LAMA2: variants seen among roughly 807,000 people sequenced by gnomAD.
LAMA2 encodes the protein laminin subunit alpha 2, also known as laminin subunit alpha-2.
A neutral mutation model predicts 364.8 loss-of-function variants in LAMA2; 269 were observed. That is an observed-to-expected ratio of 0.74 (90% CI 0.67 to 0.82). The LOEUF is 0.82. LAMA2 is among the 40% of genes least tolerant of loss of function. LAMA2 has a pLI of 0.00. For missense variants in LAMA2, 3,807 were observed against 3,873.2 expected (o/e 0.98, Z 0.45); for synonymous variants, 1,379 against 1,370.6 (o/e 1.01, Z -0.14).
intron 37 of LAMA2, among the ~76,000 whole-genome samples, chr6:129,398,098 T>A (rs17057251): frequency 7.9e-5 from 12 of 152,122 alleles, no homozygotes; most frequent in African/African-American, 2.9e-4. Context: ...AACACACGTG[T>A]GGAAATATCT....
At chr6:129,134,735 C>T (rs1457956986) in intron 4 of LAMA2, among the ~76,000 whole-genome samples, 1 of 152,162 alleles carries the variant, frequency 6.6e-6, no homozygotes, top group African/African-American at 2.4e-5. Flanking sequence ...AGGTGGAGCT[C>T]AGACACCTCC....
Position 129,492,053 on chromosome 6 carries a change from T to TA in LAMA2, c.8052dup (p.Trp2685MetfsTer6). 1 of 1,614,006 alleles carries TA rather than the reference T, an allele frequency of 6.2e-7. No homozygotes were observed. The highest frequency in any genetic ancestry group is 8.5e-7 in the Non-Finnish European group (1 of 1,179,888). On this transcript the variant is annotated frameshift_variant, in exon 57 of 65. Transcript: ENST00000421865. LOFTEE classifies it high-confidence loss of function. ...AATATTCCTCCTTTTGAAGGCTGCA[T>TA]ATGGAATCTTGTTATTAACTCTGTG...
intron 21 of LAMA2, among the ~76,000 whole-genome samples, chr6:129,299,764 A>G (rs1337581958): frequency 6.6e-6 from 1 of 152,194 alleles, no homozygotes; most frequent in Non-Finnish European, 1.5e-5. Context: ...CACCTTCCAC[A>G]GCTGGTGTGT....
intron 1 of LAMA2, among the ~76,000 whole-genome samples, chr6:129,046,103 T>G (rs1439432345): frequency 6.6e-6 from 1 of 152,216 alleles, no homozygotes; most frequent in African/African-American, 2.4e-5. Flanking sequence ...AATTTTGCTC[T>G]CCTTTAAACA....
intron 12 of LAMA2, among the ~76,000 whole-genome samples, chr6:129,240,391 T>A (rs890749594): frequency 3.3e-5 from 5 of 152,234 alleles, no homozygotes; most frequent in Non-Finnish European, 7.3e-5. Flanking sequence ...CAACGCTTTC[T>A]CATACAGGTT....
Position 129,297,705 on chromosome 6 carries a change from A to G in LAMA2, c.2877A>G (p.Gln959=), listed in dbSNP as rs749913236. ...DKCKAGTFGL[Q]SARGCVPCNC... The stretch of plus-strand genomic sequence containing the variant: ...GCCAGGCTGGGACCTTTGGCCTACA[A>G]TCAGCAAGGGGCTGTGTTCCCTGCA... Residue 959 remains glutamine, a synonymous_variant, in exon 21 of 65, where the codon CAA becomes CAG. Transcript: ENST00000421865. 3.7e-5 allele frequency: 60 copies of G among 1,613,800 alleles called. No individual in the cohort carries two copies. In the South Asian group the frequency reaches 6.0e-4, roughly 16 times the overall value.
intron 22 of LAMA2, among the ~76,000 whole-genome samples, chr6:129,310,178 CG>C (rs1295013903): frequency 6.6e-6 from 1 of 152,084 alleles, no homozygotes; most frequent in African/African-American, 2.4e-5. Context: ...GGATTACAGG[CG>C]TGAGCCACCG....
rs145682802 is a variant in LAMA2 at position 129,258,002 on chromosome 6, T to C, written c.2097-2709T>C. Reference sequence around the variant, plus strand: ...TTTAGTCAGTTACTTTTGTATACATTTATCTGTCTATCTACCCATCCGTCC... The same window carrying C: ...TTTAGTCAGTTACTTTTGTATACATCTATCTGTCTATCTACCCATCCGTCC... On this transcript the variant is annotated intron_variant, in intron 14 of 64. Transcript: ENST00000421865. 3.2e-3 allele frequency among the ~76,000 whole-genome samples: 483 copies of C among 152,126 alleles called. 3 individuals carry two copies. Among genetic ancestry groups the C allele is most frequent in the African/African-American group, 0.011 (460 of 41,494 alleles).
rs1781242445 is a variant in LAMA2, at chr6:128,957,815, C to T, written c.112+74458C>T. On this transcript the variant is annotated intron_variant, in intron 1 of 64. Coordinates refer to ENST00000421865, the MANE Select transcript of LAMA2 (RefSeq NM_000426.4). ...TTAAGTATAGTTTGGAGTATTCTTC[C>T]CAGGCTGTACTACTTCATGCATTTT... Among the ~76,000 whole-genome samples, 6 of 147,736 alleles carry T rather than the reference C, an allele frequency of 4.1e-5. No homozygotes were observed. The South Asian group carries it at 1.1e-3, about 26-fold the overall frequency.
intron 3 of LAMA2, among the ~76,000 whole-genome samples, chr6:129,097,667 A>G (rs138223602): frequency 2.6e-4 from 40 of 152,320 alleles, no homozygotes; most frequent in Non-Finnish European, 4.7e-4. Flanking sequence ...CTAGAACCAC[A>G]ATCTGAACAT....
At chr6:129,410,658 G>T (rs151102396) in intron 40 of LAMA2, among the ~76,000 whole-genome samples, 139 of 152,294 alleles carry the variant, frequency 9.1e-4, no homozygotes, top group African/African-American at 3.1e-3. Context: ...ACAGATAGAT[G>T]AATGGATGGA....
chr6:129,064,363 C>A (rs1430550938), intron 3 of LAMA2, among the ~76,000 whole-genome samples: 15 of 117,508 alleles, frequency 1.3e-4, no homozygotes, highest in African/African-American at 2.8e-4. Flanking sequence ...TTCAAGAAAG[C>A]AAAAAAAAAA....
chr6:129,432,198 C>T (rs1333998869), intron 41 of LAMA2, among the ~76,000 whole-genome samples: 2 of 152,074 alleles, frequency 1.3e-5, no homozygotes, highest in African/African-American at 4.8e-5. Flanking sequence ...GCAGTCTTTT[C>T]CAGGTGAAAT....
chr6:129,472,080 G>C (rs1783839899), intron 51 of LAMA2, among the ~76,000 whole-genome samples: 2 of 151,866 alleles, frequency 1.3e-5, no homozygotes, highest in Admixed American at 1.3e-4. Flanking sequence ...CCTTCTCTAG[G>C]AACATTGCAT....
intron 12 of LAMA2, among the ~76,000 whole-genome samples, chr6:129,200,111 C>CAAAT (rs1782106181): frequency 9.5e-5 from 11 of 115,230 alleles, no homozygotes; most frequent in Non-Finnish European, 1.8e-5. Flanking sequence ...TATGTGTACA[C>CAAAT]GTATATATAT....
At chr6:129,213,242 T>C (rs1355056381) in intron 12 of LAMA2, among the ~76,000 whole-genome samples, 2 of 152,210 alleles carry the variant, frequency 1.3e-5, no homozygotes, top group Non-Finnish European at 2.9e-5. Context: ...TATTTTGTTG[T>C]CTGGATATAA....
rs1376086973 is a variant in LAMA2, at chr6:128,948,490, A to C, written c.112+65133A>C. On this transcript the variant is annotated intron_variant, in intron 1 of 64. Coordinates refer to ENST00000421865, the MANE Select transcript of LAMA2 (RefSeq NM_000426.4). The stretch of plus-strand genomic sequence containing the variant: ...TAAACCACCTCCAGCCACACAAAAA[A>C]CACACACTATGCTTGAGTCATTCCA... 3.3e-5 allele frequency among the ~76,000 whole-genome samples: 5 copies of C among 152,156 alleles called. No homozygotes were observed. In the East Asian group the frequency reaches 9.6e-4, roughly 29 times the overall value.
chr6:129,264,202 G>T (rs1050735794), intron 15 of LAMA2, among the ~76,000 whole-genome samples: 1 of 152,146 alleles, frequency 6.6e-6, no homozygotes, highest in Non-Finnish European at 1.5e-5. Flanking sequence ...AATATAAAAA[G>T]AGTTAGCATA....
chr6:129,246,096 T>C (rs113956085), intron 12 of LAMA2, among the ~76,000 whole-genome samples: 1 of 136,502 alleles, frequency 7.3e-6, no homozygotes, highest in Non-Finnish European at 1.5e-5. Context: ...AAAATAATAA[T>C]TTTTTTCATA....
Sources: allele counts gnomAD v4.1 joint callset (sites outside exome capture counted in the v4.1 genomes callset), GRCh38; gene constraint gnomAD v4.1.1; transcripts MANE v1.5; gene names NCBI Gene and HGNC (gene_info 2026-07-23, HGNC 2026-07-21).